CRCP: variants seen among roughly 807,000 people sequenced by gnomAD.
The protein encoded by CRCP is DNA-directed RNA polymerase III subunit RPC9.
A neutral mutation model predicts 18.5 loss-of-function variants in CRCP; 18 were observed. The ratio of observed to expected loss-of-function variants is 0.97; its 90% CI spans 0.67 to 1.44. CRCP has a LOEUF of 1.44. Ranked by LOEUF, CRCP falls within the 40% of genes most tolerant of loss-of-function variation. CRCP has a pLI of 0.00. For missense variants in CRCP, 130 were observed against 176.4 expected (o/e 0.74, Z 1.49); for synonymous variants, 53 against 62.9 (o/e 0.84, Z 0.75).
At chr7:66,131,532 A>G (rs982134389) in intron 3 of CRCP, among the ~76,000 whole-genome samples, 10 of 151,920 alleles carry the variant, frequency 6.6e-5, no homozygotes, top group East Asian at 5.8e-4. Flanking sequence ...GCTGGTCTCC[A>G]ACTCCTGGGC....
intron 1 of CRCP, among the ~76,000 whole-genome samples, chr7:66,120,335 T>A (rs567755703): frequency 2.1e-4 from 32 of 152,340 alleles, no homozygotes; most frequent in African/African-American, 7.5e-4. Context: ...GCGTGTATAT[T>A]TTCTGATTTT....
chr7:66,116,103 C>A (rs960101306), intron 1 of CRCP, among the ~76,000 whole-genome samples: 3 of 152,112 alleles, frequency 2.0e-5, no homozygotes, highest in African/African-American at 7.2e-5. Flanking sequence ...CTGGCCTCTT[C>A]CGATTTTTTT....
At chr7:66,122,651 T>TA (rs55905165) in intron 1 of CRCP, among the ~76,000 whole-genome samples, 2 of 152,088 alleles carry the variant, frequency 1.3e-5, no homozygotes, top group East Asian at 1.9e-4. Context: ...TTTTTTTTTT[T>TA]ACTCAAGCAT....
At chr7:66,148,175 A>T (rs904082976) in intron 5 of CRCP, among the ~76,000 whole-genome samples, 25 of 152,258 alleles carry the variant, frequency 1.6e-4, no homozygotes, top group African/African-American at 5.3e-4. Flanking sequence ...CAGCTTGGCC[A>T]ACATGGCGAA....
chr7:66,145,042 G>A (rs1788252702), intron 4 of CRCP, among the ~76,000 whole-genome samples: 1 of 152,128 alleles, frequency 6.6e-6, no homozygotes, highest in Non-Finnish European at 1.5e-5. Context: ...TGTGATCCCA[G>A]TTACTTGGGA....
chr7:66,146,905 T>G (rs1034821238), intron 5 of CRCP, among the ~76,000 whole-genome samples: 1 of 152,188 alleles, frequency 6.6e-6, no homozygotes, highest in African/African-American at 2.4e-5. Context: ...TCATATGTCA[T>G]GTCTCCTCCA....
At chr7:66,128,423 C>T (rs1428829735) in intron 2 of CRCP, among the ~76,000 whole-genome samples, 2 of 152,100 alleles carry the variant, frequency 1.3e-5, no homozygotes, top group African/African-American at 2.4e-5. Flanking sequence ...TAATTATCAC[C>T]TTTGATATAT....
chr7:66,145,344 C>A, intron 4 of CRCP, 99 bp from the exon 5 acceptor site: 2 of 1,210,444 alleles, frequency 1.7e-6, no homozygotes, highest in African/African-American at 1.5e-5. Context: ...TCCAGTGGTT[C>A]TCCCATTTTT....
chr7:66,124,441 T>A (rs1787556992), intron 1 of CRCP, among the ~76,000 whole-genome samples: 1 of 152,190 alleles, frequency 6.6e-6, no homozygotes, highest in African/African-American at 2.4e-5. Context: ...ACATTTTGAT[T>A]CTGATATTTG....
At chr7:66,133,179 A>G (rs939903780) in intron 3 of CRCP, among the ~76,000 whole-genome samples, 1 of 152,044 alleles carries the variant, frequency 6.6e-6, no homozygotes, top group Admixed American at 6.6e-5. Context: ...AGTTATGACT[A>G]TGGTACAATT....
intron 4 of CRCP, among the ~76,000 whole-genome samples, chr7:66,137,676 A>G (rs1274272160): frequency 1.3e-5 from 2 of 152,216 alleles, no homozygotes; most frequent in East Asian, 3.8e-4. Context: ...CTATAAAGCT[A>G]AAAAGATTTG....
At chr7:66,138,052 A>G (rs1439478272) in intron 4 of CRCP, among the ~76,000 whole-genome samples, 1 of 152,234 alleles carries the variant, frequency 6.6e-6, no homozygotes, top group African/African-American at 2.4e-5. Context: ...TTACTTCACC[A>G]GGAAGAACTG....
Position 66,151,546 on chromosome 7 carries a change from C to T in CRCP, c.298-662C>T, listed in dbSNP as rs183853270. ...ATTGTGCCACTGCACTCCAGCCTGG[C>T]GACAGAGCAAGACTCTGTCCTGCCC... is the stretch of plus-strand genomic sequence containing the variant. On this transcript the variant is annotated intron_variant, in intron 5 of 5. Transcript: ENST00000395326. Among the ~76,000 whole-genome samples the T allele has an allele frequency of 4.6e-5, 7 of 151,542 alleles. No homozygotes were observed. The East Asian group carries it at 7.8e-4, about 17-fold the overall frequency.
rs564770912 is a variant in CRCP, at chr7:66,128,513, C to T, written c.45+773C>T. On this transcript the variant is annotated intron_variant, in intron 2 of 5. Transcript: ENST00000395326. The stretch of plus-strand genomic sequence containing the variant: ...CCTTATTTTGAAAGTGAGTTTAAGC[C>T]GAGCACAGTGGCTCATGCCCATAAT... Among the ~76,000 whole-genome samples, 54 of 152,184 alleles carry T rather than the reference C, an allele frequency of 3.5e-4. No homozygotes were observed. In the South Asian group the frequency reaches 9.7e-3, roughly 27 times the overall value.
At position 66,133,858 on chromosome 7, in the gene CRCP, C is replaced by CTT. The variant is rs751345422; in HGVS notation, c.145-405_145-404dup. ...CAGGATTTTTTTTCTTTTTTGTTTTCTTTTTTTTTTTTTTTTTTGAGACAG... is the reference window on the plus strand; with the variant it reads ...CAGGATTTTTTTTCTTTTTTGTTTTCTTTTTTTTTTTTTTTTTTTTGAGACAG... On this transcript the variant is annotated intron_variant, in intron 3 of 5. Transcript: ENST00000395326. 1.6e-3 allele frequency among the ~76,000 whole-genome samples: 157 copies of CTT among 96,708 alleles called. 1 individual carries two copies. The highest frequency in any genetic ancestry group is 6.3e-3 in the African/African-American group (147 of 23,376). 63.4% of individuals were successfully genotyped at this position (96,708 alleles called of 152,430 possible).
intron 1 of CRCP, 24 bp from the exon 2 acceptor site, chr7:66,127,673 AGACTGAT>A: frequency 6.2e-7 from 1 of 1,613,732 alleles, no homozygotes; most frequent in East Asian, 2.2e-5. Context: ...GTGTGAGCCC[AGACTGAT>A]GATAGCTTAC....
intron 4 of CRCP, among the ~76,000 whole-genome samples, chr7:66,139,511 C>G (rs1472716288): frequency 6.6e-6 from 1 of 152,076 alleles, no homozygotes; most frequent in South Asian, 2.1e-4. Context: ...TTTTCGTGGT[C>G]GAGGTAATTG....
intron 5 of CRCP, among the ~76,000 whole-genome samples, chr7:66,149,739 T>C (rs1046497424): frequency 1.3e-5 from 2 of 151,898 alleles, no homozygotes; most frequent in East Asian, 1.9e-4. Context: ...CTTTCAGAAA[T>C]AAAAAACTTA....
chr7:66,139,497 C>T (rs1788070790), intron 4 of CRCP, among the ~76,000 whole-genome samples: 1 of 152,072 alleles, frequency 6.6e-6, no homozygotes, highest in Non-Finnish European at 1.5e-5. Context: ...GAGAATGAGT[C>T]GTATTTTCGT....
Sources: gnomAD v4.1 joint callset for allele counts (sites outside exome capture counted in the v4.1 genomes callset) on GRCh38, gnomAD v4.1.1 for gene constraint, MANE v1.5 for transcripts, NCBI Gene and HGNC (gene_info 2026-07-23, HGNC 2026-07-21) for gene names.